PXDNL: variants seen among roughly 807,000 people sequenced by gnomAD.
The protein encoded by PXDNL is peroxidasin like, also known as probable oxidoreductase PXDNL.
PXDNL carries 145 observed loss-of-function variants against 150.8 expected under a neutral mutation model. The observed-to-expected ratio is 0.96, with a 90% CI of 0.84 to 1.10. PXDNL has a LOEUF of 1.10. Among genes scored for constraint, PXDNL ranks in the 50% least tolerant of loss-of-function variants. The probability of loss-of-function intolerance (pLI) is 0.00; values close to 1 mark genes in which losing one functional copy is unlikely to be tolerated. For synonymous variants in PXDNL, 757 were observed against 725.7 expected, an observed-to-expected ratio of 1.04 and a Z score of -0.69; for missense variants, 2,087 against 1,873.9, an observed-to-expected ratio of 1.11 and a Z score of -2.10.
At chr8:51,511,422 G>C (rs759231415) in intron 4 of PXDNL, among the ~76,000 whole-genome samples, 5 of 152,208 alleles carry the variant, frequency 3.3e-5, no homozygotes, top group Non-Finnish European at 5.9e-5. Flanking sequence ...AGAGGGGCTG[G>C]TTGCTGATGG....
intron 1 of PXDNL, among the ~76,000 whole-genome samples, chr8:51,696,791 C>A (rs1270252474): frequency 0.024 from 48 of 2,028 alleles, no homozygotes; most frequent in Admixed American, 0.029. Flanking sequence ...ACATACCCAC[C>A]CACACATAGG....
chr8:51,417,892 A>T (rs1190908719), intron 14 of PXDNL, among the ~76,000 whole-genome samples: 1 of 152,182 alleles, frequency 6.6e-6, no homozygotes, highest in African/African-American at 2.4e-5. Context: ...GGAGAGCTCC[A>T]CTGTTTTTTC....
chr8:51,505,707 T>G (rs1811270410), intron 4 of PXDNL, among the ~76,000 whole-genome samples: 1 of 152,186 alleles, frequency 6.6e-6, no homozygotes, highest in South Asian at 2.1e-4. Flanking sequence ...ATCTGAAGCT[T>G]GCAATACAGG....
At chr8:51,375,023 C>A (rs887050183) in intron 17 of PXDNL, among the ~76,000 whole-genome samples, 1 of 151,856 alleles carries the variant, frequency 6.6e-6, no homozygotes, top group African/African-American at 2.4e-5. Context: ...TGGAGTATAA[C>A]TGTATATATA....
chr8:51,480,724 T>C (rs28734103), intron 6 of PXDNL, among the ~76,000 whole-genome samples: 3,448 of 152,260 alleles, frequency 0.023, 112 homozygotes, highest in African/African-American at 0.078. Context: ...ACTGTTCTCA[T>C]GGTAGTGAAT....
intron 2 of PXDNL, among the ~76,000 whole-genome samples, chr8:51,628,035 A>G (rs992755763): frequency 1.3e-4 from 20 of 152,194 alleles, no homozygotes; most frequent in African/African-American, 4.8e-4. Flanking sequence ...GTGTAGGCAA[A>G]TAACAGAGCA....
chr8:51,493,891 CA>C (rs1175682797), intron 5 of PXDNL, among the ~76,000 whole-genome samples: 17 of 152,160 alleles, frequency 1.1e-4, no homozygotes, highest in African/African-American at 3.1e-4. Context: ...CCCAATCTAG[CA>C]AGGCAGGCCA....
At chr8:51,551,883 A>G (rs2130524286) in intron 4 of PXDNL, among the ~76,000 whole-genome samples, 1 of 152,362 alleles carries the variant, frequency 6.6e-6, no homozygotes, top group Non-Finnish European at 1.5e-5. Flanking sequence ...GCAAAGTAAA[A>G]GACAGCCCAC....
intron 2 of PXDNL, among the ~76,000 whole-genome samples, chr8:51,628,140 A>G (rs981463540): frequency 6.6e-6 from 1 of 152,162 alleles, no homozygotes; most frequent in Non-Finnish European, 1.5e-5. Context: ...GAAAGCCACA[A>G]GCATATCCAG....
Position 51,687,228 on chromosome 8 carries a change from G to A in PXDNL, c.165-32468C>T, listed in dbSNP as rs527925134. Among the ~76,000 whole-genome samples, 10 of 152,188 alleles carry A rather than the reference G, an allele frequency of 6.6e-5. No individual in the cohort carries two copies. The South Asian group carries it at 2.1e-3, about 32-fold the overall frequency. On this transcript the variant is annotated intron_variant, in intron 1 of 22. Transcript: ENST00000356297. ...GAATGTAGCAAAACCAAACACTCCT[G>A]CTATGAAAACAGAAATTGTCAACCA... is the stretch of plus-strand genomic sequence containing the variant.
intron 1 of PXDNL, among the ~76,000 whole-genome samples, chr8:51,780,584 A>C (rs1419530915): frequency 6.6e-6 from 1 of 151,120 alleles, no homozygotes; most frequent in Non-Finnish European, 1.5e-5. Context: ...CGCATCTTAC[A>C]GTGTCTTCAA....
intron 1 of PXDNL, among the ~76,000 whole-genome samples, chr8:51,689,955 A>T (rs951900599): frequency 1.3e-5 from 2 of 152,200 alleles, no homozygotes; most frequent in Non-Finnish European, 2.9e-5. Flanking sequence ...CCTGCCAAAC[A>T]GCTAGTGGAG....
In PXDNL at chr8:51,409,253, CCG is replaced by C. The variant is rs765630593; in HGVS notation, c.2369_2370del (p.Ala790GlyfsTer230). On this transcript the variant is annotated frameshift_variant, in exon 17 of 23. Transcript: ENST00000356297. LOFTEE classifies it high-confidence loss of function. ...PRLVATVWAR[A>X]AAVTPDHSYT... ...TAGCTGTGGTCGGGGGTGACGGCCG[CCG>C]CGCGCGCCCACACTGTGGCGACCAG... The C allele has an allele frequency of 6.4e-5, 95 of 1,492,578 alleles. No individual in the cohort carries two copies. Among genetic ancestry groups the C allele is most frequent in the Non-Finnish European group, 7.8e-5 (88 of 1,123,948 alleles). 92.5% of individuals were successfully genotyped at this position (1,492,578 alleles called of 1,614,324 possible).
chr8:51,519,281 C>G (rs187148640), intron 4 of PXDNL, among the ~76,000 whole-genome samples: 66 of 152,172 alleles, frequency 4.3e-4, no homozygotes, highest in African/African-American at 1.6e-3. Context: ...GTGGCTCACC[C>G]CTGTAATCCC....
intron 17 of PXDNL, among the ~76,000 whole-genome samples, chr8:51,377,830 T>C (rs975011177): frequency 6.6e-6 from 1 of 152,132 alleles, no homozygotes; most frequent in African/African-American, 2.4e-5. Context: ...AGCCCCAGCC[T>C]CCCGGAGGAG....
intron 2 of PXDNL, among the ~76,000 whole-genome samples, chr8:51,595,784 T>C (rs1435071954): frequency 2.0e-5 from 3 of 152,054 alleles, no homozygotes; most frequent in Non-Finnish European, 2.9e-5. Flanking sequence ...AAAATATTTA[T>C]GTGATCATAA....
rs541629600 is a variant in PXDNL at position 51,720,824 on chromosome 8, C to A, written c.165-66064G>T. ...TTTCCCTCTTGCTGCCAGCTCCCCACTGGCCCTGTGCAGGCTCCTGCCTAG... is the reference window on the plus strand; with the variant it reads ...TTTCCCTCTTGCTGCCAGCTCCCCAATGGCCCTGTGCAGGCTCCTGCCTAG... On this transcript the variant is annotated intron_variant, in intron 1 of 22. Coordinates refer to ENST00000356297, the MANE Select transcript of PXDNL (RefSeq NM_144651.5). Among the ~76,000 whole-genome samples the A allele has an allele frequency of 3.8e-3, 577 of 152,384 alleles. 1 individual carries two copies. The highest frequency in any genetic ancestry group is 7.1e-3 in the Non-Finnish European group (482 of 68,044).
chr8:51,535,913 C>T (rs925056226), intron 4 of PXDNL, among the ~76,000 whole-genome samples: 5 of 152,268 alleles, frequency 3.3e-5, no homozygotes, highest in South Asian at 2.1e-4. Context: ...TCCCTGCATT[C>T]GCTCTCTTTT....
intron 10 of PXDNL, among the ~76,000 whole-genome samples, chr8:51,450,897 G>A (rs186694419): frequency 1.3e-5 from 2 of 152,054 alleles, no homozygotes; most frequent in East Asian, 3.9e-4. Flanking sequence ...TCAACCCCCA[G>A]CCTGATGTTC....
Sources: allele counts gnomAD v4.1 joint callset (sites outside exome capture counted in the v4.1 genomes callset), GRCh38; gene constraint gnomAD v4.1.1; transcripts MANE v1.5; gene names NCBI Gene and HGNC (gene_info 2026-07-23, HGNC 2026-07-21).